Variants in MIA2 observed in about 807,000 individuals in gnomAD.
The protein encoded by MIA2 is MIA SH3 domain ER export factor 2, also known as melanoma inhibitory activity protein 2.
In MIA2, 127 loss-of-function variants were observed where a neutral mutation model predicts 167.8. The observed-to-expected ratio is 0.76, with a 90% confidence interval of 0.66 to 0.88. The LOEUF is 0.88. Ranked by LOEUF, MIA2 falls within the 40% of genes least tolerant of loss-of-function variation. The probability of loss-of-function intolerance (pLI) is 0.00; values close to 1 mark genes in which losing one functional copy is unlikely to be tolerated. For synonymous variants in MIA2, 552 were observed against 541.9 expected (o/e 1.02, Z -0.26); for missense variants, 1,690 against 1,624.7 (o/e 1.04, Z -0.69).
intron 4 of MIA2, among the ~76,000 whole-genome samples, chr14:39,252,189 C>G (rs1182958192): frequency 6.6e-6 from 1 of 152,066 alleles, no homozygotes; most frequent in Non-Finnish European, 1.5e-5. Flanking sequence ...TATCTTAACC[C>G]CCAGACCCTG....
At chr14:39,295,073 A>T in intron 13 of MIA2, 44 bp downstream of exon 13, 3 of 1,306,030 alleles carry the variant, frequency 2.3e-6, no homozygotes, top group Non-Finnish European at 3.3e-6. Flanking sequence ...ATATGTAATT[A>T]TAGATGTTCT....
intron 25 of MIA2, among the ~76,000 whole-genome samples, chr14:39,340,251 G>A (rs1418528535): frequency 6.6e-6 from 1 of 152,080 alleles, no homozygotes. Flanking sequence ...TACTGATTTG[G>A]ATAATATATT....
chr14:39,271,874 A>G (rs2057215584), intron 6 of MIA2, among the ~76,000 whole-genome samples: 1 of 152,046 alleles, frequency 6.6e-6, no homozygotes, highest in South Asian at 2.1e-4. Context: ...AGTGAAAGGA[A>G]AGCTCTCAGC....
chr14:39,343,606 C>G (rs1357054178), intron 25 of MIA2, among the ~76,000 whole-genome samples: 1 of 152,104 alleles, frequency 6.6e-6, no homozygotes, highest in Non-Finnish European at 1.5e-5. Flanking sequence ...TTTTTCTTAT[C>G]TTTTTTTCTT....
chr14:39,295,021 C>T lies in MIA2; in HGVS notation c.2488C>T (p.Gln830Ter). The change falls in exon 13 of 29, where the codon CAG (glutamine) becomes TAG (stop). Residue 830 changes from glutamine (Q) to a stop codon, truncating the protein, a stop_gained. Coordinates refer to ENST00000640607, the MANE Select transcript of MIA2 (RefSeq NM_001329214.4). LOFTEE classifies it high-confidence loss of function. ...TGAAAATTCTCAACTTCAGGAAAGC[C>T]AGAAACAGGTTTGTGCTCCGTAGGG... Reference protein sequence around the residue: ...LNENSQLQESQKQLLQEAEVW... With the variant: ...LNENSQLQES 1 of 1,607,854 alleles carries T rather than the reference C, an allele frequency of 6.2e-7. No individual in the cohort carries two copies. The highest frequency in any genetic ancestry group is 8.5e-7 in the Non-Finnish European group (1 of 1,174,488).
chr14:39,331,391 G>A lies in MIA2; in HGVS notation c.3655+4369G>A, dbSNP rs112570656. On this transcript the variant is annotated intron_variant, in intron 25 of 28. Coordinates refer to ENST00000640607, the MANE Select transcript of MIA2 (RefSeq NM_001329214.4). ...GTCTCCTGAATACAGTACACCGATG[G>A]GTCTTGACTCTTTATCCAATTTGCC... Among the ~76,000 whole-genome samples the A allele has an allele frequency of 6.6e-5, 10 of 152,114 alleles. 1 individual carries two copies. The highest frequency in any genetic ancestry group is 2.4e-4 in the African/African-American group (10 of 41,490).
chr14:39,333,491 C>G (rs181103695), intron 25 of MIA2, among the ~76,000 whole-genome samples: 1 of 152,016 alleles, frequency 6.6e-6, no homozygotes, highest in Non-Finnish European at 1.5e-5. Flanking sequence ...TTGCGGCTTT[C>G]TCCTTTCTAG....
chr14:39,298,413 TTA>T (rs71130838), intron 13 of MIA2, among the ~76,000 whole-genome samples: 1,114 of 26,098 alleles, frequency 0.043, 73 homozygotes, highest in African/African-American at 0.11. Context: ...TGATTCTGTT[TTA>T]TATATATATA....
At chr14:39,262,922 T>G (rs9322997) in intron 6 of MIA2, among the ~76,000 whole-genome samples, 2 of 151,716 alleles carry the variant, frequency 1.3e-5, no homozygotes, top group East Asian at 1.9e-4. Flanking sequence ...TGGGCTGAGA[T>G]GATGGGGTTT....
Position 39,252,835 on chromosome 14 carries a change from C to G in MIA2, c.1655C>G (p.Ser552Trp). 3 of 1,613,864 alleles carry G rather than the reference C, an allele frequency of 1.9e-6. No homozygotes were observed. The highest frequency in any genetic ancestry group is 1.1e-5 in the South Asian group (1 of 91,066). The change falls in exon 5 of 29, where the codon TCG becomes TGG. Residue 552 changes from serine (S) to tryptophan (W), a missense_variant. By Grantham distance (177) the Ser-to-Trp change is radical (BLOSUM62 -3). Coordinates refer to ENST00000640607, the MANE Select transcript of MIA2 (RefSeq NM_001329214.4). The stretch of plus-strand genomic sequence containing the variant: ...TCTTCTAAAGATAGTGATGAAAATT[C>G]GAAACCATCAGTAGACACCGAAGGG... ...PSSSKDSDEN[S>W]KPSVDTEGPA...
intron 23 of MIA2, among the ~76,000 whole-genome samples, chr14:39,384,581 T>A (rs1351912867): frequency 3.3e-5 from 5 of 152,228 alleles, no homozygotes; most frequent in Non-Finnish European, 5.9e-5. Flanking sequence ...TTTTGTTAGA[T>A]GAAACCAATT....
At position 39,294,024 on chromosome 14, in the gene MIA2, C is replaced by T; in HGVS notation, c.2344C>T (p.Gln782Ter). The T allele has an allele frequency of 6.2e-7, 1 of 1,611,454 alleles. No homozygotes were observed. The highest frequency in any genetic ancestry group is 8.5e-7 in the Non-Finnish European group (1 of 1,178,582). Reference sequence around the variant, plus strand: ...GATGGCGGATATTTCAAAAAGGATACAGTCTCTAGAAGATGAGTCAAAATC... The same window carrying T: ...GATGGCGGATATTTCAAAAAGGATATAGTCTCTAGAAGATGAGTCAAAATC... ...ELMADISKRI[Q>*]SLEDESKSLK... is the part of the protein sequence containing the mutation. Residue 782 changes from glutamine to a stop codon, truncating the protein, a stop_gained, in exon 12 of 29, where the codon CAG becomes TAG. Transcript: ENST00000640607. LOFTEE classifies it high-confidence loss of function.
chr14:39,234,209 GTGGT>G lies in MIA2; in HGVS notation c.96_99del (p.Cys32TrpfsTer8), dbSNP rs1408924900. On this transcript the variant is annotated frameshift_variant, in exon 1 of 29. Coordinates refer to ENST00000640607, the MANE Select transcript of MIA2 (RefSeq NM_001329214.4). LOFTEE classifies it high-confidence loss of function. ...AAACTGCTGGCAGACCTTAAAAAATGTGGTGACTTGGAATGTGAAGGTAAGTTTG... is the reference window on the plus strand; with the variant it reads ...AAACTGCTGGCAGACCTTAAAAAATGGACTTGGAATGTGAAGGTAAGTTTG... The G allele has an allele frequency of 2.5e-6, 4 of 1,607,714 alleles. No homozygotes were observed. The South Asian group carries it at 4.4e-5, about 18-fold the overall frequency.
intron 22 of MIA2, among the ~76,000 whole-genome samples, chr14:39,318,361 T>G (rs1477546318): frequency 6.6e-6 from 1 of 152,148 alleles, no homozygotes; most frequent in Non-Finnish European, 1.5e-5. Flanking sequence ...AATGGATAAG[T>G]AGATAGGATA....
intron 25 of MIA2, among the ~76,000 whole-genome samples, chr14:39,329,561 C>G (rs943709056): frequency 1.3e-5 from 2 of 151,852 alleles, no homozygotes; most frequent in African/African-American, 4.8e-5. Flanking sequence ...ATTCTTCCAG[C>G]TTTTGCCCAT....
chr14:39,361,542 G>A (rs575985735), intron 23 of MIA2, among the ~76,000 whole-genome samples: 5 of 151,370 alleles, frequency 3.3e-5, no homozygotes, highest in South Asian at 2.1e-4. Context: ...GGGTTCAAGC[G>A]ATTCTCCTGC....
intron 25 of MIA2, among the ~76,000 whole-genome samples, chr14:39,339,252 G>T (rs996011994): frequency 1.3e-5 from 2 of 152,124 alleles, no homozygotes; most frequent in Admixed American, 6.6e-5. Flanking sequence ...CTAACAGCCC[G>T]CGGAAAGGTA....
chr14:39,373,157 G>A (rs958497192), intron 23 of MIA2, among the ~76,000 whole-genome samples: 19 of 152,050 alleles, frequency 1.2e-4, no homozygotes, highest in Non-Finnish European at 1.5e-5. Context: ...TTTCAATGAA[G>A]AAGTGAAAAA....
In MIA2 at chr14:39,236,968, C is replaced by G. The variant is rs752816344; in HGVS notation, c.162C>G (p.Asp54Glu). Residue 54 changes from aspartate (D) to glutamate (E), a missense_variant, in exon 2 of 29, where the codon GAC becomes GAG. Asp to Glu is a conservative substitution (Grantham distance 45). Transcript: ENST00000640607. ...CCATGAGAGATTATAGAGGACCTGA[C>G]TGCCGATACCTGAACTTCACTAAGG... ...VSAMRDYRGPDCRYLNFTKGE... is the reference protein window; with the variant it reads ...VSAMRDYRGPECRYLNFTKGE... 1 of 1,613,990 alleles carries G rather than the reference C, an allele frequency of 6.2e-7. No individual in the cohort carries two copies. The highest frequency in any genetic ancestry group is 8.5e-7 in the Non-Finnish European group (1 of 1,179,892).
Sources: allele counts gnomAD v4.1 joint callset (sites outside exome capture counted in the v4.1 genomes callset), GRCh38; gene constraint gnomAD v4.1.1; transcripts MANE v1.5; gene names NCBI Gene and HGNC (gene_info 2026-07-23, HGNC 2026-07-21).